Variants in SPATS2 observed in about 807,000 individuals in gnomAD.
SPATS2 encodes spermatogenesis associated serine rich 2.
Under a neutral mutation model 63.7 loss-of-function variants are expected in SPATS2, and 38 were observed. The ratio of observed to expected loss-of-function variants is 0.60; its 90% CI spans 0.46 to 0.78. SPATS2 has a LOEUF of 0.78. Ranked by LOEUF, SPATS2 falls within the 30% of genes least tolerant of loss-of-function variation. The pLI is 0.00. For synonymous variants in SPATS2, 207 were observed against 232.9 expected (o/e 0.89, Z 1.01); for missense variants, 588 against 666.2 (o/e 0.88, Z 1.29).
chr12:49,479,532 T>TG (rs988960510), intron 3 of SPATS2, among the ~76,000 whole-genome samples: 4 of 151,926 alleles, frequency 2.6e-5, no homozygotes, highest in African/African-American at 7.3e-5. Flanking sequence ...AGCTGGGAGA[T>TG]GGGGGGCTCC....
At chr12:49,440,425 C>G (rs1266575135) in intron 2 of SPATS2, among the ~76,000 whole-genome samples, 3 of 151,842 alleles carry the variant, frequency 2.0e-5, no homozygotes, top group Non-Finnish European at 4.4e-5. Flanking sequence ...TCTTCAGTCT[C>G]TAATCTGAAG....
intron 3 of SPATS2, among the ~76,000 whole-genome samples, chr12:49,468,880 A>G (rs1019625207): frequency 6.6e-6 from 1 of 152,212 alleles, no homozygotes; most frequent in African/African-American, 2.4e-5. Context: ...GAAAGTAACC[A>G]TAAGTCCACT....
rs1212907056 is a variant in SPATS2 at position 49,526,528 on chromosome 12, G to C, written c.*273G>C. 2.3e-6 allele frequency: 1 copy of C among 434,212 alleles called. No individual in the cohort carries two copies. Among genetic ancestry groups the C allele is most frequent in the East Asian group, 4.5e-5 (1 of 22,022 alleles). 26.9% of individuals were successfully genotyped at this position (434,212 alleles called of 1,614,324 possible). ...TCAGAGGCAGCTGTTACCAGGTTTC[G>C]GCCTTCCAGTTGATCCCTCCACTGT... On this transcript the variant is annotated 3_prime_UTR_variant, in exon 14 of 14. Transcript: ENST00000552918.
At chr12:49,469,542 TA>T (rs748722366) in intron 3 of SPATS2, 45,851 of 310,648 alleles carry the variant, frequency 0.15, 5 homozygotes, top group East Asian at 0.18. Context: ...GCTGGGTCTC[TA>T]AAAAAAAAAA....
chr12:49,509,648 T>C (rs959757587), intron 9 of SPATS2, among the ~76,000 whole-genome samples: 4 of 151,770 alleles, frequency 2.6e-5, no homozygotes, highest in Admixed American at 1.3e-4. Context: ...GAAACCTGTC[T>C]CTACTGAAAA....
chr12:49,444,794 G>A (rs1345077944), intron 2 of SPATS2, among the ~76,000 whole-genome samples: 2 of 151,878 alleles, frequency 1.3e-5, no homozygotes, highest in Non-Finnish European at 2.9e-5. Context: ...AGTAGAGATG[G>A]GGTTTCACCA....
At chr12:49,456,442 G>A (rs1312681991) in intron 2 of SPATS2, among the ~76,000 whole-genome samples, 1 of 152,220 alleles carries the variant, frequency 6.6e-6, no homozygotes, top group Non-Finnish European at 1.5e-5. Context: ...TAAAGGTAAA[G>A]GAAGGACATC....
At chr12:49,439,501 A>G (rs1945378168) in intron 2 of SPATS2, among the ~76,000 whole-genome samples, 1 of 152,216 alleles carries the variant, frequency 6.6e-6, no homozygotes, top group African/African-American at 2.4e-5. Context: ...AATGGCGAGA[A>G]GCAGTTGGAT....
chr12:49,482,513 G>C (rs1244838372), intron 3 of SPATS2, among the ~76,000 whole-genome samples: 1 of 152,170 alleles, frequency 6.6e-6, no homozygotes, highest in Admixed American at 6.5e-5. Flanking sequence ...TCAAGTAGCA[G>C]TGCACATTGC....
chr12:49,408,609 G>A (rs1944739931), intron 2 of SPATS2, among the ~76,000 whole-genome samples: 1 of 121,786 alleles, frequency 8.2e-6, no homozygotes, highest in African/African-American at 3.3e-5. Flanking sequence ...AGGCTGGAGT[G>A]CAGTGGTGCA....
Position 49,517,606 on chromosome 12 carries a change from A to T in SPATS2, c.899-1467A>T, listed in dbSNP as rs144850870. On this transcript the variant is annotated intron_variant, in intron 10 of 13. Coordinates refer to ENST00000552918, the MANE Select transcript of SPATS2 (RefSeq NM_023071.4). ...GGACATTTCCCAGATGACATTAGGGACCCAGGATCTTCTGTTCTTCTGCCC... is the reference window on the plus strand; with the variant it reads ...GGACATTTCCCAGATGACATTAGGGTCCCAGGATCTTCTGTTCTTCTGCCC... Among the ~76,000 whole-genome samples, 162 of 152,244 alleles carry T rather than the reference A, an allele frequency of 1.1e-3. 5 individuals are homozygous for T. In the East Asian group the frequency reaches 0.027, roughly 26 times the overall value.
chr12:49,441,090 AG>A (rs2137551455), intron 2 of SPATS2, among the ~76,000 whole-genome samples: 2 of 152,326 alleles, frequency 1.3e-5, no homozygotes, highest in East Asian at 3.9e-4. Context: ...CACTATTCTA[AG>A]TGCATTATAG....
At chr12:49,481,287 G>A (rs1946200641) in intron 3 of SPATS2, among the ~76,000 whole-genome samples, 1 of 152,004 alleles carries the variant, frequency 6.6e-6, no homozygotes, top group Admixed American at 6.5e-5. Context: ...TTGAACCCGG[G>A]AAGCGGAGGT....
intron 3 of SPATS2, among the ~76,000 whole-genome samples, chr12:49,482,221 C>T (rs1474522780): frequency 1.3e-5 from 2 of 152,192 alleles, no homozygotes; most frequent in East Asian, 1.9e-4. Flanking sequence ...TTTGTGCCCT[C>T]CTGACCTATG....
chr12:49,391,727 C>CT (rs1944422485), intron 2 of SPATS2, among the ~76,000 whole-genome samples: 1 of 152,042 alleles, frequency 6.6e-6, no homozygotes, highest in South Asian at 2.1e-4. Flanking sequence ...GAAAATTCTA[C>CT]TTTGAGTATA....
intron 2 of SPATS2, among the ~76,000 whole-genome samples, chr12:49,418,383 G>A (rs1372826639): frequency 6.6e-6 from 1 of 151,682 alleles, no homozygotes; most frequent in Non-Finnish European, 1.5e-5. Context: ...GACTGCAATC[G>A]CCACCTCCCA....
intron 2 of SPATS2, among the ~76,000 whole-genome samples, chr12:49,428,787 G>A (rs1565717091): frequency 6.6e-6 from 1 of 152,152 alleles, no homozygotes; most frequent in Admixed American, 6.5e-5. Context: ...TAGAATCAGT[G>A]AATATAGTTG....
rs113991011 is a variant in SPATS2 at position 49,526,185 on chromosome 12, C to T, written c.1568C>T (p.Thr523Met). ...TGVSMEPSPP[T>M]PSFKKGLPQR... ...GTCAGCATGGAGCCCAGCCCTCCCA[C>T]GCCTTCATTCAAAAAGGGGCTCCCC... Residue 523 changes from threonine (T) to methionine (M), a missense_variant, in exon 14 of 14, where the codon ACG becomes ATG. By Grantham distance (81) the Thr-to-Met change is moderately conservative (BLOSUM62 -1). Transcript: ENST00000552918. 253 of 1,614,198 alleles carry T rather than the reference C, an allele frequency of 1.6e-4. 2 individuals are homozygous for T. The African/African-American group carries it at 2.6e-3, about 17-fold the overall frequency.
intron 2 of SPATS2, among the ~76,000 whole-genome samples, chr12:49,400,072 A>G (rs561845565): frequency 2.1e-4 from 32 of 152,316 alleles, no homozygotes; most frequent in African/African-American, 7.7e-4. Flanking sequence ...TGTACCAGGC[A>G]CTGTTAGAGT....
Sources: gnomAD v4.1 joint callset for allele counts (sites outside exome capture counted in the v4.1 genomes callset) on GRCh38, gnomAD v4.1.1 for gene constraint, MANE v1.5 for transcripts, NCBI Gene and HGNC (gene_info 2026-07-23, HGNC 2026-07-21) for gene names.